The following RPS6KA3 variants were observed in gnomAD, a reference collection of about 807,000 sequenced individuals.
RPS6KA3 encodes ribosomal protein S6 kinase alpha-3.
In RPS6KA3, 4 loss-of-function variants were observed where a neutral mutation model predicts 67.2. That is an observed-to-expected ratio of 0.06 (90% CI 0.03 to 0.14). RPS6KA3 has a LOEUF of 0.14. Among genes scored for constraint, RPS6KA3 ranks in the 10% least tolerant of loss-of-function variants. The probability of loss-of-function intolerance (pLI) is 1.00; values close to 1 mark genes in which losing one functional copy is unlikely to be tolerated. For missense variants in RPS6KA3, 204 were observed against 559.0 expected, an observed-to-expected ratio of 0.36 and a Z score of 6.40; for synonymous variants, 182 against 183.7, an observed-to-expected ratio of 0.99 and a Z score of 0.07.
In RPS6KA3 at chrX:20,216,580, G is replaced by A. The variant is rs371032277; in HGVS notation, c.127-7176C>T. On this transcript the variant is annotated intron_variant, in intron 2 of 21. Transcript: ENST00000379565. Reference sequence around the variant, plus strand: ...TAAAGAGATGAGAATAGCAGATATGGAAAGGGGGGGGTTGTAATTTTCAAT... The same window carrying A: ...TAAAGAGATGAGAATAGCAGATATGAAAAGGGGGGGGTTGTAATTTTCAAT... 5.8e-3 allele frequency among the ~76,000 whole-genome samples: 642 copies of A among 110,074 alleles called. 10 individuals carry two copies. The highest frequency in any genetic ancestry group is 0.02 in the African/African-American group (607 of 30,155).
At position 20,151,112 on chromosome X, in the gene RPS6KA3, C is replaced by T. The variant is rs1405044309; in HGVS notation, c.*4286G>A. ...GTTACTAGAAATCTTTGAGAACACTCAGTCACATTGGAACCAGCTGCAAAT... is the reference window on the plus strand; with the variant it reads ...GTTACTAGAAATCTTTGAGAACACTTAGTCACATTGGAACCAGCTGCAAAT... On this transcript the variant is annotated 3_prime_UTR_variant, in exon 22 of 22. Transcript: ENST00000379565. The T allele has an allele frequency of 8.9e-6, 1 of 112,590 alleles. No individual in the cohort carries two copies. The highest frequency in any genetic ancestry group is 1.9e-5 in the Non-Finnish European group (1 of 53,289). The allele number at this position is 112,590 out of a possible 1,213,427, so 9.3% of individuals were successfully genotyped here.
intron 13 of RPS6KA3, among the ~76,000 whole-genome samples, chrX:20,175,497 C>A: frequency 9.0e-6 from 1 of 111,638 alleles, no homozygotes; most frequent in Non-Finnish European, 1.9e-5. Flanking sequence ...CCTAGTCCCT[C>A]GGAGCCTAGA....
At chrX:20,183,141 AGATAGATT>A (rs1177525825) in intron 10 of RPS6KA3, among the ~76,000 whole-genome samples, 2 of 111,232 alleles carry the variant, frequency 1.8e-5, no homozygotes, top group Non-Finnish European at 3.8e-5. Flanking sequence ...TTGGGGTTCT[AGATAGATT>A]GGTAATGATT....
intron 10 of RPS6KA3, among the ~76,000 whole-genome samples, chrX:20,181,346 G>A (rs944522652): frequency 3.6e-5 from 4 of 110,977 alleles, no homozygotes; most frequent in African/African-American, 1.3e-4. Context: ...CGGTTAGAGA[G>A]GTGGAAGAAG....
intron 7 of RPS6KA3, among the ~76,000 whole-genome samples, chrX:20,190,762 A>C (rs2068099284): frequency 8.9e-6 from 1 of 112,029 alleles, no homozygotes; most frequent in African/African-American, 3.2e-5. Context: ...CAATAAAAAA[A>C]ACATAAAATA....
intron 2 of RPS6KA3, among the ~76,000 whole-genome samples, chrX:20,232,911 G>C (rs978340146): frequency 2.2e-4 from 25 of 112,077 alleles, no homozygotes; most frequent in African/African-American, 7.8e-4. Context: ...AAGATGGGTG[G>C]ATCACTTGAG....
rs1391562214 is a variant in RPS6KA3, at chrX:20,266,580, G to C, written c.53C>G (p.Pro18Arg). Reference sequence around the variant, plus strand: ...TGCACTCACCTCAGCGCTGTCGGACGGGCTCTCCACAGCCATCTTCTGCCA... The same window carrying C: ...TGCACTCACCTCAGCGCTGTCGGACCGGCTCTCCACAGCCATCTTCTGCCA... ...DPWQKMAVES[P>R]SDSAENGQQI... The change falls in exon 1 of 22, where the codon CCG becomes CGG. Residue 18 changes from proline (P) to arginine (R), a missense_variant. This residue lies in a region of RPS6KA3 where 31 missense variants were observed against 42.5 expected (regional missense o/e 0.73). Coordinates refer to ENST00000379565, the MANE Select transcript of RPS6KA3 (RefSeq NM_004586.3). 8.7e-6 allele frequency: 10 copies of C among 1,153,111 alleles called. No homozygotes were observed. Among genetic ancestry groups the C allele is most frequent in the Non-Finnish European group, 1.2e-5 (10 of 868,290 alleles).
intron 7 of RPS6KA3, among the ~76,000 whole-genome samples, chrX:20,193,256 C>T (rs1431888763): frequency 9.1e-6 from 1 of 110,055 alleles, no homozygotes; most frequent in Non-Finnish European, 1.9e-5. Flanking sequence ...CCAGCCTGGG[C>T]AACAAGAGCA....
chrX:20,262,194 AT>A (rs1207705030), intron 1 of RPS6KA3, among the ~76,000 whole-genome samples: 6 of 111,963 alleles, frequency 5.4e-5, no homozygotes, highest in African/African-American at 1.9e-4. Context: ...GGCAGATCAC[AT>A]GTCCCTGAGC....
Position 20,225,239 on chromosome X carries a change from T to TG in RPS6KA3, c.126+9518_126+9519insC, listed in dbSNP as rs1211525629. On this transcript the variant is annotated intron_variant, in intron 2 of 21. Transcript: ENST00000379565. ...ATGATAAAAAGGGGAGGTTTTTTTT[T>TG]TTTGTTTTTTTTTTTGTTTTTTTTT... is the stretch of plus-strand genomic sequence containing the variant. 1.0e-2 allele frequency among the ~76,000 whole-genome samples: 927 copies of TG among 92,791 alleles called. 9 individuals are homozygous for TG. The highest frequency in any genetic ancestry group is 0.031 in the African/African-American group (725 of 23,452). The allele number at this position is 92,791 out of a possible 115,157, so 80.6% of individuals were successfully genotyped here. A position where few individuals can be genotyped will look rare whatever the true frequency, so the allele number is the denominator to read the frequency against.
chrX:20,171,579 T>G (rs1229475438), intron 15 of RPS6KA3, among the ~76,000 whole-genome samples: 1 of 111,746 alleles, frequency 8.9e-6, no homozygotes, highest in African/African-American at 3.3e-5. Flanking sequence ...TGTGGTAATT[T>G]CAGTAGAATC....
chrX:20,171,222 T>C (rs770377895), intron 15 of RPS6KA3, among the ~76,000 whole-genome samples: 54 of 112,232 alleles, frequency 4.8e-4, no homozygotes, highest in African/African-American at 1.6e-3. Flanking sequence ...CAGTTAAGTT[T>C]TGGAGAGTCA....
At chrX:20,247,413 G>C (rs907065902) in intron 1 of RPS6KA3, among the ~76,000 whole-genome samples, 2 of 111,266 alleles carry the variant, frequency 1.8e-5, no homozygotes, top group African/African-American at 6.6e-5. Flanking sequence ...AAACAAAATA[G>C]AACACTTTAC....
At chrX:20,224,207 C>T (rs1320321528) in intron 2 of RPS6KA3, among the ~76,000 whole-genome samples, 1 of 111,122 alleles carries the variant, frequency 9.0e-6, no homozygotes, top group Non-Finnish European at 1.9e-5. Flanking sequence ...TGTTGGTGGA[C>T]GCATAACCAG....
In RPS6KA3 at chrX:20,181,403, G is replaced by A. The variant is rs769175321; in HGVS notation, c.846-4319C>T. 4.0e-3 allele frequency among the ~76,000 whole-genome samples: 442 copies of A among 110,990 alleles called. 1 individual carries two copies. Among genetic ancestry groups the A allele is most frequent in the Non-Finnish European group, 5.3e-3 (278 of 52,931 alleles). On this transcript the variant is annotated intron_variant, in intron 10 of 21. Transcript: ENST00000379565. ...ATGGAGGGAGGGAGTGGCCACCAGTGTCAAATACTCAGAGATGCCTTTCTT... is the reference window on the plus strand; with the variant it reads ...ATGGAGGGAGGGAGTGGCCACCAGTATCAAATACTCAGAGATGCCTTTCTT...
In RPS6KA3 at chrX:20,201,396, C is replaced by T. The variant is rs192853675; in HGVS notation, c.325+2626G>A. 9.0e-5 allele frequency among the ~76,000 whole-genome samples: 10 copies of T among 111,543 alleles called. No homozygotes were observed. The East Asian group carries it at 2.8e-3, about 31-fold the overall frequency. ...TTAAGCCATCCTCCCGCCTCAGCCT[C>T]CCAAAGTGCTAGGATTACAAGTGCG... On this transcript the variant is annotated intron_variant, in intron 4 of 21. Coordinates refer to ENST00000379565, the MANE Select transcript of RPS6KA3 (RefSeq NM_004586.3).
At position 20,263,881 on chromosome X, in the gene RPS6KA3, A is replaced by G. The variant is rs968174475; in HGVS notation, c.69+2683T>C. Among the ~76,000 whole-genome samples, 4 of 111,500 alleles carry G rather than the reference A, an allele frequency of 3.6e-5. No individual in the cohort carries two copies. The East Asian group carries it at 1.1e-3, about 31-fold the overall frequency. On this transcript the variant is annotated intron_variant, in intron 1 of 21. Coordinates refer to ENST00000379565, the MANE Select transcript of RPS6KA3 (RefSeq NM_004586.3). ...CAGTGTACTAGGGATGAGACCATAA[A>G]TGTAAACTCCTACACAGACCAATCC...
At chrX:20,158,047 A>G (rs2067227079) in intron 20 of RPS6KA3, among the ~76,000 whole-genome samples, 2 of 110,314 alleles carry the variant, frequency 1.8e-5, no homozygotes, top group African/African-American at 6.6e-5. Context: ...TGTGGAGGAA[A>G]ATGGACTGGT....
intron 1 of RPS6KA3, among the ~76,000 whole-genome samples, chrX:20,264,741 T>A (rs943539043): frequency 3.6e-5 from 4 of 112,177 alleles, no homozygotes; most frequent in Non-Finnish European, 7.5e-5. Context: ...ATCACACTGA[T>A]ACATGCCAAG....
Sources: allele counts gnomAD v4.1 joint callset (sites outside exome capture counted in the v4.1 genomes callset), GRCh38; gene constraint gnomAD v4.1.1; regional missense constraint gnomAD v4.1.1; transcripts MANE v1.5; gene names NCBI Gene and HGNC (gene_info 2026-07-23, HGNC 2026-07-21).